SHBG: variants seen among roughly 807,000 people sequenced by gnomAD.
SHBG encodes sex hormone binding globulin.
Under a neutral mutation model 41.9 loss-of-function variants are expected in SHBG, and 37 were observed. The ratio of observed to expected loss-of-function variants is 0.88; its 90% confidence interval spans 0.68 to 1.16. The LOEUF is 1.16. Ranked by LOEUF, SHBG falls within the 50% of genes most tolerant of loss-of-function variation. SHBG has a pLI of 0.00. For missense variants in SHBG, 466 were observed against 499.9 expected (o/e 0.93, Z 0.65); for synonymous variants, 217 against 205.8 (o/e 1.05, Z -0.47).
chr17:7,614,240 G>A, intron 1 of SHBG: 1 of 688,426 alleles, frequency 1.5e-6, no homozygotes, highest in Non-Finnish European at 2.6e-6. Flanking sequence ...GATGGGGGTA[G>A]AAGCAGGTGC....
chr17:7,626,468 CG>C, upstream of SHBG: 1 of 1,614,046 alleles, frequency 6.2e-7, no homozygotes, highest in Non-Finnish European at 8.5e-7. Flanking sequence ...CCAACTTTCT[CG>C]TTGCCTCTCC....
chr17:7,620,849 G>A (rs1170947205), intron 1 of SHBG, among the ~76,000 whole-genome samples: 2 of 151,020 alleles, frequency 1.3e-5, no homozygotes, highest in African/African-American at 2.4e-5. Context: ...CAGGCTGGTC[G>A]CGAACTCCTG....
chr17:7,631,047 T>C (rs2072392316), intron 3 of SHBG, among the ~76,000 whole-genome samples, 153 bp from the exon 4 acceptor site: 1 of 152,160 alleles, frequency 6.6e-6, no homozygotes, highest in Non-Finnish European at 1.5e-5. Flanking sequence ...GCTCAGTCAG[T>C]ATATAAGTGA....
At chr17:7,615,458 T>G (rs1597888874) in intron 1 of SHBG, among the ~76,000 whole-genome samples, 1 of 152,360 alleles carries the variant, frequency 6.6e-6, no homozygotes, top group African/African-American at 2.4e-5. Context: ...AACTCTCTAC[T>G]GTAGTAGATT....
Position 7,632,781 on chromosome 17 carries a change from A to C in SHBG, c.882A>C (p.Pro294=). Residue 294 remains proline, a synonymous_variant, in exon 7 of 8, where the codon CCA becomes CCC. Coordinates refer to ENST00000380450, the MANE Select transcript of SHBG (RefSeq NM_001040.5). ...QKVVLSSGSG[P]GLDLPLVLGL... The stretch of plus-strand genomic sequence containing the variant: ...TGGTGTTGTCTTCTGGGTCGGGGCC[A>C]GGGCTGGATCTGCCCCTGGTCTTGG... 6.2e-7 allele frequency: 1 copy of C among 1,614,016 alleles called. No individual in the cohort carries two copies. Among genetic ancestry groups the C allele is most frequent in the Non-Finnish European group, 8.5e-7 (1 of 1,179,986 alleles).
chr17:7,616,791 C>T (rs933939418), intron 1 of SHBG, among the ~76,000 whole-genome samples: 4 of 152,026 alleles, frequency 2.6e-5, no homozygotes, highest in Non-Finnish European at 5.9e-5. Flanking sequence ...CAAAAATTAG[C>T]TGGGCATGGT....
chr17:7,626,407 G>C (rs754410616), upstream of SHBG: 5 of 1,606,636 alleles, frequency 3.1e-6, no homozygotes, highest in East Asian at 1.1e-4. Flanking sequence ...AGCTGATGGG[G>C]AAGGAGAAAC....
At chr17:7,625,683 G>C (rs1317438217), upstream of SHBG, among the ~76,000 whole-genome samples, 1 of 151,838 alleles carries the variant, frequency 6.6e-6, no homozygotes, top group Non-Finnish European at 1.5e-5. Context: ...CTGAGGTCAG[G>C]AATTTGAGAC....
chr17:7,626,359 C>T, upstream of SHBG: 1 of 1,468,890 alleles, frequency 6.8e-7, no homozygotes, highest in Non-Finnish European at 9.3e-7. Flanking sequence ...GAGGCCTCAG[C>T]ATCAGTGTCT....
chr17:7,619,256 G>T (rs985814308), intron 1 of SHBG, among the ~76,000 whole-genome samples: 8 of 151,708 alleles, frequency 5.3e-5, no homozygotes, highest in Non-Finnish European at 1.2e-4. Context: ...CAGGTGTGGT[G>T]GCACATGCCT....
intron 1 of SHBG, among the ~76,000 whole-genome samples, chr17:7,616,182 C>T (rs1191738778): frequency 6.6e-6 from 1 of 151,178 alleles, no homozygotes; most frequent in Non-Finnish European, 1.5e-5. Context: ...TCCAGCTACT[C>T]GGAAGGAGTC....
upstream of SHBG, among the ~76,000 whole-genome samples, chr17:7,629,526 A>G (rs1319472004): frequency 3.3e-5 from 5 of 152,190 alleles, no homozygotes; most frequent in African/African-American, 1.2e-4. Context: ...ATATTCACTG[A>G]ATCATACACA....
intron 6 of SHBG, 138 bp downstream of exon 6, chr17:7,632,153 T>C: frequency 1.0e-6 from 1 of 953,906 alleles, no homozygotes; most frequent in Non-Finnish European, 1.7e-6. Context: ...GAATTGTTTT[T>C]CATTAATAAT....
At chr17:7,628,227 G>T (rs1044089755), upstream of SHBG, 1 of 302,170 alleles carries the variant, frequency 3.3e-6, no homozygotes, top group Non-Finnish European at 6.6e-6. Flanking sequence ...CCTCTTGGGG[G>T]CATTTGCATT....
At chr17:7,618,745 C>T (rs757266394) in intron 1 of SHBG, among the ~76,000 whole-genome samples, 60 of 152,258 alleles carry the variant, frequency 3.9e-4, no homozygotes, top group Middle Eastern at 3.4e-3. Context: ...AACACAGGTT[C>T]CAGGAAACAG....
upstream of SHBG, chr17:7,626,392 G>A (rs1405284002): frequency 8.2e-6 from 13 of 1,589,026 alleles, no homozygotes; most frequent in Non-Finnish European, 1.1e-5. Flanking sequence ...TCTGAAGAGT[G>A]CTTCAGCTGA....
intron 1 of SHBG, among the ~76,000 whole-genome samples, chr17:7,619,377 T>C (rs1237478708): frequency 4.2e-5 from 5 of 117,764 alleles, no homozygotes; most frequent in South Asian, 2.7e-4. Flanking sequence ...GCATTAAGGG[T>C]GAAACTCCAT....
At chr17:7,626,988 G>C (rs752683521), upstream of SHBG, 8 of 1,613,790 alleles carry the variant, frequency 5.0e-6, no homozygotes, top group Admixed American at 1.7e-5. Flanking sequence ...TAAATGGTGC[G>C]TCCCTTCCAT....
upstream of SHBG, chr17:7,627,332 C>G (rs896743827): frequency 6.2e-7 from 1 of 1,613,902 alleles, no homozygotes; most frequent in East Asian, 2.2e-5. The surrounding 1 kb of genome is among the most constrained non-coding windows in gnomAD (Gnocchi z 4.8). Flanking sequence ...CCTCCCCAGC[C>G]TCCGCCAGAA....
Sources: allele counts gnomAD v4.1 joint callset (sites outside exome capture counted in the v4.1 genomes callset), GRCh38; gene constraint gnomAD v4.1.1; non-coding constraint Gnocchi (gnomAD v3.1); transcripts MANE v1.5; gene names NCBI Gene and HGNC (gene_info 2026-07-23, HGNC 2026-07-21).